Variants in EPHA3 observed in about 807,000 individuals in gnomAD.
The protein encoded by EPHA3 is ephrin type-A receptor 3.
Under a neutral mutation model 107.1 loss-of-function variants are expected in EPHA3, and 42 were observed. That is an observed-to-expected ratio of 0.39 (90% confidence interval 0.31 to 0.51). The LOEUF (loss-of-function observed/expected upper bound fraction) is 0.51, where lower values mean the gene tolerates loss of function less well. Among genes scored for constraint, EPHA3 ranks in the 20% least tolerant of loss-of-function variants. The pLI, the probability that EPHA3 is intolerant of heterozygous loss-of-function variation, is 0.78. For synonymous variants in EPHA3, 461 were observed against 424.8 expected, an observed-to-expected ratio of 1.09 and a Z score of -1.05; for missense variants, 1,183 against 1,211.2, an observed-to-expected ratio of 0.98 and a Z score of 0.35.
At chr3:89,325,446 A>T (rs1483396315) in intron 3 of EPHA3, among the ~76,000 whole-genome samples, 2 of 152,100 alleles carry the variant, frequency 1.3e-5, no homozygotes, top group African/African-American at 4.8e-5. Flanking sequence ...CATGCGTGAA[A>T]CCTTTCAATA....
At chr3:89,149,027 C>CGCATA (rs1219081331) in intron 2 of EPHA3, among the ~76,000 whole-genome samples, 1 of 151,800 alleles carries the variant, frequency 6.6e-6, no homozygotes, top group Non-Finnish European at 1.5e-5. Context: ...TTGAAGCCAG[C>CGCATA]GCATACCAAT....
At position 89,425,284 on chromosome 3, in the gene EPHA3, CAGTT is replaced by C. The variant is rs569815127; in HGVS notation, c.2075-3819_2075-3816del. 1.1e-3 allele frequency among the ~76,000 whole-genome samples: 173 copies of C among 151,294 alleles called. 2 individuals carry two copies. The South Asian group carries it at 0.014, about 12-fold the overall frequency. ...TCAATATTCATTACAATATTTTTAT[CAGTT>C]AGGTATGATATGTGAAAATCTATGA... is the stretch of plus-strand genomic sequence containing the variant. On this transcript the variant is annotated intron_variant, in intron 11 of 16. Transcript: ENST00000336596.
chr3:89,435,431 C>G (rs1203372214), intron 13 of EPHA3, among the ~76,000 whole-genome samples: 2 of 144,930 alleles, frequency 1.4e-5, no homozygotes, highest in African/African-American at 5.1e-5. Context: ...AAGACTTCAT[C>G]TCTGTTAAAA....
chr3:89,303,530 T>C (rs1043690546), intron 3 of EPHA3, among the ~76,000 whole-genome samples: 2 of 151,336 alleles, frequency 1.3e-5, no homozygotes, highest in Non-Finnish European at 2.9e-5. Context: ...GATAGATTAT[T>C]AAATTAGAAT....
At chr3:89,124,183 G>T (rs2106966949) in intron 1 of EPHA3, among the ~76,000 whole-genome samples, 1 of 152,286 alleles carries the variant, frequency 6.6e-6, no homozygotes, top group Non-Finnish European at 1.5e-5. Flanking sequence ...AAATGATCAG[G>T]TCTAGATATG....
At chr3:89,173,101 C>G (rs1705243935) in intron 2 of EPHA3, among the ~76,000 whole-genome samples, 1 of 151,926 alleles carries the variant, frequency 6.6e-6, no homozygotes, top group South Asian at 2.1e-4. Flanking sequence ...ATAAATGTAT[C>G]CACCAAAAAA....
At chr3:89,197,904 A>C (rs1166621740) in intron 2 of EPHA3, among the ~76,000 whole-genome samples, 2 of 152,106 alleles carry the variant, frequency 1.3e-5, no homozygotes, top group African/African-American at 2.4e-5. Context: ...TGAACCTGGG[A>C]GACAGAGGTT....
intron 5 of EPHA3, among the ~76,000 whole-genome samples, chr3:89,350,331 T>C (rs1707779692): frequency 6.6e-6 from 1 of 151,118 alleles, no homozygotes; most frequent in African/African-American, 2.4e-5. Context: ...TATTCTTTTT[T>C]CTCTAAACTT....
At chr3:89,293,134 G>A (rs1706256389) in intron 3 of EPHA3, among the ~76,000 whole-genome samples, 1 of 152,078 alleles carries the variant, frequency 6.6e-6, no homozygotes, top group Non-Finnish European at 1.5e-5. Context: ...TATTCCATAT[G>A]CATATTTTCT....
At chr3:89,415,554 C>G (rs1360025730) in intron 10 of EPHA3, among the ~76,000 whole-genome samples, 2 of 148,138 alleles carry the variant, frequency 1.4e-5, no homozygotes, top group Admixed American at 6.8e-5. Context: ...TATGGAAACT[C>G]TCTTGTATAC....
intron 3 of EPHA3, among the ~76,000 whole-genome samples, chr3:89,271,673 G>A (rs1353867808): frequency 6.6e-6 from 1 of 151,460 alleles, no homozygotes; most frequent in Admixed American, 6.6e-5. Context: ...TAGAAGAATA[G>A]CAATAGAAAC....
intron 2 of EPHA3, among the ~76,000 whole-genome samples, chr3:89,150,419 G>A (rs774584933): frequency 1.3e-5 from 2 of 151,756 alleles, no homozygotes; most frequent in Admixed American, 6.6e-5. Flanking sequence ...ATGTGCATTC[G>A]TTATTGGAAA....
At chr3:89,216,100 T>G (rs1461145535) in intron 3 of EPHA3, among the ~76,000 whole-genome samples, 2 of 151,920 alleles carry the variant, frequency 1.3e-5, no homozygotes, top group Non-Finnish European at 2.9e-5. Flanking sequence ...ATATGCCAAG[T>G]GTATAATCTT....
intron 3 of EPHA3, among the ~76,000 whole-genome samples, chr3:89,240,253 A>C (rs1327752824): frequency 6.6e-6 from 1 of 152,170 alleles, no homozygotes; most frequent in Non-Finnish European, 1.5e-5. Flanking sequence ...GTGAATTAGA[A>C]CTTTCTGAGC....
intron 2 of EPHA3, among the ~76,000 whole-genome samples, chr3:89,150,208 T>A (rs9883199): frequency 0.56 from 85,366 of 151,696 alleles, 24,384 homozygotes; most frequent in Admixed American, 0.65. Flanking sequence ...ACCACAGACA[T>A]TGCAGATATG....
intron 2 of EPHA3, among the ~76,000 whole-genome samples, chr3:89,158,170 A>T (rs572179575): frequency 6.6e-6 from 1 of 152,156 alleles, no homozygotes; most frequent in Non-Finnish European, 1.5e-5. Context: ...GAAAATAAGT[A>T]AATTATCCAA....
At chr3:89,444,000 G>A (rs569182259) in intron 13 of EPHA3, among the ~76,000 whole-genome samples, 71 of 152,268 alleles carry the variant, frequency 4.7e-4, no homozygotes, top group Admixed American at 7.8e-4. Flanking sequence ...AGATCAGTGA[G>A]CATCTGTTGA....
chr3:89,448,596 G>A (rs1180364975), intron 13 of EPHA3, among the ~76,000 whole-genome samples: 1 of 152,046 alleles, frequency 6.6e-6, no homozygotes, highest in Non-Finnish European at 1.5e-5. Flanking sequence ...TAATTATTAT[G>A]TCTATCTAAT....
intron 5 of EPHA3, among the ~76,000 whole-genome samples, chr3:89,370,577 C>G (rs753776973): frequency 3.1e-4 from 47 of 151,720 alleles, no homozygotes; most frequent in Non-Finnish European, 6.2e-4. Context: ...TTGATTGGTG[C>G]AGCACACCAG....
Sources: allele counts gnomAD v4.1 joint callset (sites outside exome capture counted in the v4.1 genomes callset), GRCh38; gene constraint gnomAD v4.1.1; transcripts MANE v1.5; gene names NCBI Gene and HGNC (gene_info 2026-07-23, HGNC 2026-07-21).